Variants in LILRA5 observed in about 807,000 individuals in gnomAD.
The protein encoded by LILRA5 is leukocyte immunoglobulin like receptor A5.
Under a neutral mutation model 36.3 loss-of-function variants are expected in LILRA5, and 31 were observed. The observed-to-expected ratio is 0.85, with a 90% CI of 0.64 to 1.15. The LOEUF (loss-of-function observed/expected upper bound fraction) is 1.15. LILRA5 is among the 50% of genes most tolerant of loss of function. The probability of loss-of-function intolerance (pLI) is 0.00; values close to 1 mark genes in which losing one functional copy is unlikely to be tolerated. For synonymous variants in LILRA5, 144 were observed against 144.8 expected, an observed-to-expected ratio of 0.99 and a Z score of 0.04; for missense variants, 348 against 377.4, an observed-to-expected ratio of 0.92 and a Z score of 0.64.
At position 54,311,593 on chromosome 19, in the gene LILRA5, T is replaced by C. The variant is rs1159482622; in HGVS notation, c.533A>G (p.Asp178Gly). ...FDRFILTEEG[D>G]HKLSWTLDSQ... ...GTCCAAGGTCCAGGAGAGCTTGTGG[T>C]CTCCTTCCTCAGTCAGAATGAACCT... Residue 178 changes from aspartate (D) to glycine (G), a missense_variant, in exon 5 of 7, where the codon GAC (aspartate) becomes GGC (glycine). Physicochemically the swap from Asp to Gly is moderately conservative, Grantham distance 94. Coordinates refer to ENST00000432233, the MANE Select transcript of LILRA5 (RefSeq NM_021250.4). The C allele has an allele frequency of 6.2e-7, 1 of 1,614,128 alleles. No individual in the cohort carries two copies. Among genetic ancestry groups the C allele is most frequent in the Admixed American group, 1.7e-5 (1 of 60,020 alleles).
rs959527405 is a variant in LILRA5 at position 54,309,889 on chromosome 19, C to T, written c.712+1525G>A. The T allele has an allele frequency of 4.4e-5, 7 of 157,960 alleles. No individual in the cohort carries two copies. In the Middle Eastern group the frequency reaches 2.2e-3, roughly 51 times the overall value. The allele number at this position is 157,960 out of a possible 1,614,324, so 9.8% of individuals were successfully genotyped here. On this transcript the variant is annotated intron_variant, in intron 5 of 6. Coordinates refer to ENST00000432233, the MANE Select transcript of LILRA5 (RefSeq NM_021250.4). The stretch of plus-strand genomic sequence containing the variant: ...CGTGCTGTGAATAAGTTCCTAACTT[C>T]CTCCAGGGAGCAGGTGCGCGGCCCC...
intron 1 of LILRA5, 27 bp downstream of exon 1, chr19:54,312,990 A>G (rs1288418282): frequency 1.2e-6 from 2 of 1,613,990 alleles, no homozygotes; most frequent in Non-Finnish European, 8.5e-7. Flanking sequence ...CAGCCCGTCC[A>G]TGAGCTCAGC....
At position 54,312,367 on chromosome 19, in the gene LILRA5, A is replaced by G. The variant is rs999296111; in HGVS notation, c.92T>C (p.Leu31Pro). Residue 31 changes from leucine to proline, a missense_variant, in exon 3 of 7, where the codon CTG becomes CCG. By Grantham distance (98) the Leu-to-Pro change is moderately conservative (BLOSUM62 -3). Coordinates refer to ENST00000432233, the MANE Select transcript of LILRA5 (RefSeq NM_021250.4). The stretch of plus-strand genomic sequence containing the variant: ...CACGTGGGTCCTGGGGCCCAGACTC[A>G]GCCCTGGAAGAGAGTTCCCTGTGAG... Reference protein sequence around the residue: ...PALMVLLCLGLSLGPRTHVQA... With the variant: ...PALMVLLCLGPSLGPRTHVQA... 1 of 1,614,210 alleles carries G rather than the reference A, an allele frequency of 6.2e-7. No homozygotes were observed.
At chr19:54,311,277 T>C in intron 5 of LILRA5, 137 bp downstream of exon 5, 1 of 1,585,392 alleles carries the variant, frequency 6.3e-7, no homozygotes, top group Non-Finnish European at 8.6e-7. Context: ...TTCCTCACCC[T>C]GAATTTGTGT....
In LILRA5 at chr19:54,307,449, G is replaced by A. The variant is rs755442286; in HGVS notation, c.864C>T (p.His288=). ...CTGCAGCTTGGGGGCTTCTCTGGCT[G>A]TGCCAATCCTGAAATATCAGAATCC... is the stretch of plus-strand genomic sequence containing the variant. ...VLGILIFQDW[H]SQRSPQAAAG... The change falls in exon 7 of 7, where the codon CAC becomes CAT. Residue 288 remains histidine, a synonymous_variant. Coordinates refer to ENST00000432233, the MANE Select transcript of LILRA5 (RefSeq NM_021250.4). 2.5e-6 allele frequency: 4 copies of A among 1,613,708 alleles called. No homozygotes were observed. Among genetic ancestry groups the A allele is most frequent in the Non-Finnish European group, 3.4e-6 (4 of 1,179,900 alleles).
intron 5 of LILRA5, chr19:54,308,348 TATATAAATATATATATA>T (rs2080929915): frequency 9.4e-5 from 1 of 10,682 alleles, no homozygotes; most frequent in Non-Finnish European, 1.6e-4. Flanking sequence ...TATATATGTA[TATATAAATATATATATA>T]TATATATATA....
At chr19:54,309,580 CG>C (rs2080969322) in intron 5 of LILRA5, 1 of 152,044 alleles carries the variant, frequency 6.6e-6, no homozygotes, top group African/African-American at 2.4e-5. Context: ...TTCTTATGAA[CG>C]GAACTTGAAA....
chr19:54,311,252 A>G (rs1006241893), intron 5 of LILRA5, 162 bp downstream of exon 5: 2 of 1,531,218 alleles, frequency 1.3e-6, no homozygotes, highest in Non-Finnish European at 8.8e-7. Context: ...CACTGTGCCC[A>G]GCCCTTGCTT....
rs2080931036 is a variant in LILRA5 at position 54,308,356 on chromosome 19, TATATA to T, written c.713-613_713-609del. 1.6e-3 allele frequency: 4 copies of T among 2,558 alleles called. 1 individual carries two copies. Among genetic ancestry groups the T allele is most frequent in the Non-Finnish European group, 3.0e-3 (4 of 1,354 alleles). 0.2% of individuals were successfully genotyped at this position (2,558 alleles called of 1,614,324 possible). A position where few individuals can be genotyped will look rare whatever the true frequency, so the allele number is the denominator to read the frequency against. On this transcript the variant is annotated intron_variant, in intron 5 of 6. Coordinates refer to ENST00000432233, the MANE Select transcript of LILRA5 (RefSeq NM_021250.4). ...GTGTGTATATATATGTATATATAAATATATATATATATATATATATATATATATAT... is the reference window on the plus strand; with the variant it reads ...GTGTGTATATATATGTATATATAAATTATATATATATATATATATATATAT...
intron 5 of LILRA5, 136 bp from the exon 6 acceptor site, chr19:54,307,884 C>A: frequency 1.5e-6 from 1 of 683,860 alleles, no homozygotes; most frequent in Non-Finnish European, 2.6e-6. Flanking sequence ...CATAAACCCT[C>A]CCTCTGCTGG....
At position 54,311,140 on chromosome 19, in the gene LILRA5, G is replaced by A. The variant is rs2081001498; in HGVS notation, c.712+274C>T. 4.5e-6 allele frequency: 3 copies of A among 672,714 alleles called. 1 individual carries two copies. The highest frequency in any genetic ancestry group is 6.6e-6 in the Non-Finnish European group (3 of 455,710). The allele number at this position is 672,714 out of a possible 1,614,324, so 41.7% of individuals were successfully genotyped here. A position where few individuals can be genotyped will look rare whatever the true frequency, so the allele number is the denominator to read the frequency against. On this transcript the variant is annotated intron_variant, in intron 5 of 6. Coordinates refer to ENST00000432233, the MANE Select transcript of LILRA5 (RefSeq NM_021250.4). ...CCAGCTAATTTTTGTATTTTTAGTA[G>A]AAATGGGGTTTCACCATGTTGGCCA...
At position 54,311,527 on chromosome 19, in the gene LILRA5, G is replaced by A; in HGVS notation, c.599C>T (p.Pro200Leu). 14 of 1,614,208 alleles carry A rather than the reference G, an allele frequency of 8.7e-6. No homozygotes were observed. The highest frequency in any genetic ancestry group is 1.0e-5 in the Non-Finnish European group (12 of 1,180,036). The change falls in exon 5 of 7, where the codon CCT (proline) becomes CTT (leucine). Residue 200 changes from proline (P) to leucine (L), a missense_variant. Pro to Leu is a moderately conservative substitution (Grantham distance 98). Coordinates refer to ENST00000432233, the MANE Select transcript of LILRA5 (RefSeq NM_021250.4). ...TPSGQFQALFPVGPVTPSHRW... is the reference protein window; with the variant it reads ...TPSGQFQALFLVGPVTPSHRW... ...GTGGCTGGGGGTCACAGGGCCCACA[G>A]GGAACAGGGCCTGGAACTGCCCACT...
intron 5 of LILRA5, chr19:54,309,758 G>A (rs2080971789): frequency 6.6e-6 from 1 of 152,432 alleles, no homozygotes; most frequent in East Asian, 1.9e-4. Context: ...ATCTTAAAGA[G>A]ACAAATTTAA....
In LILRA5 at chr19:54,307,548, G is replaced by A; in HGVS notation, c.765C>T (p.Ala255=). The A allele has an allele frequency of 6.2e-7, 1 of 1,613,988 alleles. No homozygotes were observed. The highest frequency in any genetic ancestry group is 8.5e-7 in the Non-Finnish European group (1 of 1,179,928). Residue 255 remains alanine (A), a splice_region_variant and synonymous_variant, in exon 7 of 7, where the codon GCC becomes GCT. Coordinates refer to ENST00000432233, the MANE Select transcript of LILRA5 (RefSeq NM_021250.4). ...PSQNKSDSGT[A]SHLQDYAVEN... ...CTACTGCGTAATCCTGAAGGTGTGA[G>A]GCTGGGGATGGTGGACAAAGAGGTC...
At chr19:54,308,157 G>C (rs1314235338) in intron 5 of LILRA5, 1 of 176,854 alleles carries the variant, frequency 5.7e-6, no homozygotes, top group Non-Finnish European at 1.2e-5. Context: ...ATGGATGACG[G>C]GTTGGTCCTC....
At chr19:54,312,477 G>T in intron 2 of LILRA5, 60 bp downstream of exon 2, 1 of 1,613,738 alleles carries the variant, frequency 6.2e-7, no homozygotes, top group African/African-American at 1.3e-5. Flanking sequence ...CAAGGGCCTC[G>T]TTATGGGGTG....
chr19:54,310,958 C>CTTTTT (rs55912820), intron 5 of LILRA5: 17 of 175,004 alleles, frequency 9.7e-5, no homozygotes, highest in African/African-American at 3.8e-4. Flanking sequence ...TTTTCTTTTT[C>CTTTTT]TTTTTTTTTT....
chr19:54,307,852 C>T (rs905859449), intron 5 of LILRA5, 104 bp from the exon 6 acceptor site: 1 of 958,840 alleles, frequency 1.0e-6, no homozygotes, highest in Non-Finnish European at 1.7e-6. Flanking sequence ...TGCCTCTCAA[C>T]ATGACTTTTA....
intron 5 of LILRA5, chr19:54,309,649 G>A (rs754544163): frequency 2.0e-5 from 3 of 152,016 alleles, no homozygotes; most frequent in Non-Finnish European, 4.4e-5. Flanking sequence ...AGAAATACTT[G>A]CTATTAACAA....
Sources: allele counts gnomAD v4.1 joint callset, GRCh38; gene constraint gnomAD v4.1.1; transcripts MANE v1.5; gene names NCBI Gene and HGNC (gene_info 2026-07-23, HGNC 2026-07-21).